Variants in CNTNAP4 observed in about 807,000 individuals in gnomAD.
The protein encoded by CNTNAP4 is contactin associated protein family member 4, also known as contactin-associated protein-like 4.
CNTNAP4 carries 98 observed loss-of-function variants against 148.4 expected under a neutral mutation model. The ratio of observed to expected loss-of-function variants is 0.66; its 90% CI spans 0.56 to 0.78. The LOEUF (loss-of-function observed/expected upper bound fraction) is 0.78, where lower values mean the gene tolerates loss of function less well. Ranked by LOEUF, CNTNAP4 falls within the 30% of genes least tolerant of loss-of-function variation. The probability of loss-of-function intolerance (pLI) is 0.00; values close to 1 mark genes in which losing one functional copy is unlikely to be tolerated. For synonymous variants in CNTNAP4, 730 were observed against 565.1 expected (o/e 1.29, Z -4.14); for missense variants, 1,935 against 1,565.6 (o/e 1.24, Z -3.98).
At chr16:76,412,089 T>C (rs1024835461) in intron 3 of CNTNAP4, among the ~76,000 whole-genome samples, 7 of 151,450 alleles carry the variant, frequency 4.6e-5, no homozygotes, top group Admixed American at 1.3e-4. Context: ...TGGGTTAACA[T>C]CATGCTTATG....
chr16:76,335,739 G>A (rs1218223888), intron 2 of CNTNAP4, among the ~76,000 whole-genome samples: 1 of 152,162 alleles, frequency 6.6e-6, no homozygotes, highest in Non-Finnish European at 1.5e-5. Flanking sequence ...ATTGCCATGT[G>A]ACAAGAACCC....
chr16:76,427,115 G>T (rs576318238), intron 3 of CNTNAP4, among the ~76,000 whole-genome samples: 1 of 152,098 alleles, frequency 6.6e-6, no homozygotes, highest in East Asian at 1.9e-4. Flanking sequence ...CAATTTTTTT[G>T]GTGCTATTCA....
intron 8 of CNTNAP4, among the ~76,000 whole-genome samples, chr16:76,457,144 CCTT>C (rs1246595345): frequency 1.3e-5 from 2 of 152,180 alleles, no homozygotes; most frequent in African/African-American, 4.8e-5. Context: ...TATGATTTCT[CCTT>C]CTCCTTCCTG....
chr16:76,531,831 A>G (rs2083998457), intron 17 of CNTNAP4, among the ~76,000 whole-genome samples: 1 of 152,212 alleles, frequency 6.6e-6, no homozygotes, highest in Non-Finnish European at 1.5e-5. Flanking sequence ...ATTAGACATT[A>G]TGTTTTCTGG....
chr16:76,415,693 A>G (rs557948690), intron 3 of CNTNAP4, among the ~76,000 whole-genome samples: 2 of 151,184 alleles, frequency 1.3e-5, no homozygotes, highest in South Asian at 4.2e-4. Context: ...CAGTTCCTTC[A>G]TGCTCCTTTG....
intron 12 of CNTNAP4, among the ~76,000 whole-genome samples, chr16:76,480,122 A>G (rs1405631779): frequency 6.6e-6 from 1 of 152,140 alleles, no homozygotes; most frequent in Non-Finnish European, 1.5e-5. Context: ...GGTCCTAGAC[A>G]GTGCAATAAA....
chr16:76,480,183 A>G (rs947731565), intron 12 of CNTNAP4, among the ~76,000 whole-genome samples: 2 of 152,192 alleles, frequency 1.3e-5, no homozygotes, highest in African/African-American at 2.4e-5. Flanking sequence ...AAAGACCAAG[A>G]TTCTCACTAT....
chr16:76,521,244 A>G lies in CNTNAP4; in HGVS notation c.2470A>G (p.Thr824Ala). 1 of 1,612,928 alleles carries G rather than the reference A, an allele frequency of 6.2e-7. No homozygotes were observed. The highest frequency in any genetic ancestry group is 1.1e-5 in the South Asian group (1 of 90,916). The part of the protein sequence containing the change: ...SADVSFFFKT[T>A]ASSGVFLENL... ...GGATGTATCTTTCTTTTTTAAGACA[A>G]CAGCTTCATCTGGGGTATTTTTAGA... Residue 824 changes from threonine to alanine, a missense_variant, in exon 16 of 24, where the codon ACA becomes GCA. Thr to Ala is a moderately conservative substitution (Grantham distance 58). Coordinates refer to ENST00000611870, the MANE Select transcript of CNTNAP4 (RefSeq NM_033401.5).
At chr16:76,397,352 G>A (rs2078238788) in intron 3 of CNTNAP4, among the ~76,000 whole-genome samples, 1 of 151,986 alleles carries the variant, frequency 6.6e-6, no homozygotes, top group South Asian at 2.1e-4. Context: ...CCAATGTCAG[G>A]AGAATTATGA....
intron 3 of CNTNAP4, among the ~76,000 whole-genome samples, chr16:76,414,897 T>C (rs757069785): frequency 4.0e-5 from 6 of 151,356 alleles, no homozygotes; most frequent in Non-Finnish European, 5.9e-5. Context: ...TTTTTTTCTT[T>C]CCCAGATCAA....
intron 3 of CNTNAP4, among the ~76,000 whole-genome samples, chr16:76,398,459 T>C (rs1373728130): frequency 6.6e-6 from 1 of 152,154 alleles, no homozygotes; most frequent in Non-Finnish European, 1.5e-5. Flanking sequence ...CCTACCCACT[T>C]TTCCAGCCAT....
At chr16:76,371,968 A>G (rs1301303476) in intron 3 of CNTNAP4, among the ~76,000 whole-genome samples, 1 of 152,026 alleles carries the variant, frequency 6.6e-6, no homozygotes, top group East Asian at 1.9e-4. Flanking sequence ...AATCATCTCT[A>G]AGTTCTTACT....
chr16:76,375,547 A>C (rs997137238), intron 3 of CNTNAP4, among the ~76,000 whole-genome samples: 1 of 152,218 alleles, frequency 6.6e-6, no homozygotes, highest in African/African-American at 2.4e-5. Flanking sequence ...TCTAGCACAC[A>C]GTAGAACAAG....
At chr16:76,532,068 G>A (rs2144212252) in intron 17 of CNTNAP4, among the ~76,000 whole-genome samples, 1 of 152,180 alleles carries the variant, frequency 6.6e-6, no homozygotes, top group Non-Finnish European at 1.5e-5. Flanking sequence ...GTAATCTTGT[G>A]TTTCCCCATC....
chr16:76,406,655 A>G (rs1187519696), intron 3 of CNTNAP4, among the ~76,000 whole-genome samples: 3 of 152,284 alleles, frequency 2.0e-5, no homozygotes, highest in South Asian at 4.1e-4. Context: ...AAATAACCCT[A>G]TTGCTGATAC....
chr16:76,370,161 T>C (rs1266415868), intron 3 of CNTNAP4, among the ~76,000 whole-genome samples: 3 of 152,178 alleles, frequency 2.0e-5, no homozygotes, highest in Non-Finnish European at 4.4e-5. Flanking sequence ...GAATAAAGCG[T>C]ACCTTGGTTG....
At chr16:76,316,574 T>C (rs1961783698) in intron 2 of CNTNAP4, 51 bp downstream of exon 2, 1 of 1,179,788 alleles carries the variant, frequency 8.5e-7, no homozygotes. Flanking sequence ...TCACTAGTTT[T>C]TCATTATCTT....
At chr16:76,555,877 A>G (rs35031793) in intron 23 of CNTNAP4, among the ~76,000 whole-genome samples, 8 of 151,822 alleles carry the variant, frequency 5.3e-5, no homozygotes, top group Non-Finnish European at 1.0e-4. Context: ...CAGAGACTAA[A>G]CTTCAGAAGC....
intron 17 of CNTNAP4, among the ~76,000 whole-genome samples, chr16:76,531,670 A>G (rs73621236): frequency 6.6e-6 from 1 of 152,124 alleles, no homozygotes; most frequent in Non-Finnish European, 1.5e-5. Context: ...CTGAAAAGGC[A>G]CTGGAATCTT....
Sources: gnomAD v4.1 joint callset for allele counts (sites outside exome capture counted in the v4.1 genomes callset) on GRCh38, gnomAD v4.1.1 for gene constraint, MANE v1.5 for transcripts, NCBI Gene and HGNC (gene_info 2026-07-23, HGNC 2026-07-21) for gene names.